The following C10orf90 variants were observed in gnomAD, a reference collection of about 807,000 sequenced individuals.
The protein encoded by C10orf90 is (E2-independent) E3 ubiquitin-conjugating enzyme FATS.
A neutral mutation model predicts 62.5 loss-of-function variants in C10orf90; 56 were observed. The observed-to-expected ratio is 0.90, with a 90% CI of 0.72 to 1.12. The LOEUF is 1.12. C10orf90 is among the 50% of genes most tolerant of loss of function. The probability of loss-of-function intolerance (pLI) is 0.00; values close to 1 mark genes in which losing one functional copy is unlikely to be tolerated. For missense variants in C10orf90, 970 were observed against 880.4 expected (o/e 1.10, Z -1.29); for synonymous variants, 386 against 340.4 (o/e 1.13, Z -1.47).
chr10:126,641,547 T>C (rs1344921336), intron 2 of C10orf90, among the ~76,000 whole-genome samples: 1 of 152,010 alleles, frequency 6.6e-6, no homozygotes, highest in East Asian at 1.9e-4. Context: ...ATCATTTCCC[T>C]CTCTATTTAC....
chr10:126,469,289 T>C (rs1411293219), intron 4 of C10orf90, among the ~76,000 whole-genome samples: 2 of 152,216 alleles, frequency 1.3e-5, no homozygotes, highest in Non-Finnish European at 2.9e-5. Flanking sequence ...AGATGAAACT[T>C]AGCTCTTTAG....
rs1862609612 is a variant in C10orf90 at position 126,504,668 on chromosome 10, GGGGC to G, written c.819_822del (p.Pro274ArgfsTer30). 7.4e-6 allele frequency: 12 copies of G among 1,614,174 alleles called. No homozygotes were observed. The highest frequency in any genetic ancestry group is 1.0e-5 in the Non-Finnish European group (12 of 1,180,018). On this transcript the variant is annotated frameshift_variant, in exon 4 of 10. Transcript: ENST00000488181. LOFTEE classifies it high-confidence loss of function. This position sits in a 1 kb window ranked among gnomAD's most constrained non-coding sequence, Gnocchi z 4.1. ...GGATGGGCGCCATTGGCCAGAGCCG[GGGGC>G]GCCTGGAACAGTGTGTCCTCAGCCC...
intron 2 of C10orf90, among the ~76,000 whole-genome samples, chr10:126,604,156 C>A (rs1391430294): frequency 1.3e-5 from 2 of 152,198 alleles, no homozygotes; most frequent in East Asian, 3.8e-4. Context: ...TGGGCTCCAT[C>A]CAGAAACACA....
intron 4 of C10orf90, among the ~76,000 whole-genome samples, chr10:126,498,517 T>C (rs1272664345): frequency 6.6e-6 from 1 of 152,164 alleles, no homozygotes; most frequent in African/African-American, 2.4e-5. Context: ...CTTGACTTGT[T>C]TCAGAGCATT....
At chr10:126,457,101 AC>A (rs1378149844) in intron 7 of C10orf90, among the ~76,000 whole-genome samples, 1 of 152,078 alleles carries the variant, frequency 6.6e-6, no homozygotes, top group Non-Finnish European at 1.5e-5. Context: ...TGATCCTTGC[AC>A]CTCAGCCTCC....
At chr10:126,622,579 T>C (rs951968347) in intron 2 of C10orf90, among the ~76,000 whole-genome samples, 2 of 152,222 alleles carry the variant, frequency 1.3e-5, no homozygotes, top group African/African-American at 2.4e-5. Context: ...TCCCTGCCAC[T>C]ACAAAGAAGT....
At chr10:126,432,439 T>A (rs192576224) in intron 7 of C10orf90, among the ~76,000 whole-genome samples, 8 of 152,336 alleles carry the variant, frequency 5.3e-5, no homozygotes, top group African/African-American at 1.9e-4. Flanking sequence ...CGTCCCTTCA[T>A]GAGATTTCAT....
chr10:126,620,677 G>A (rs1845627324), intron 2 of C10orf90, among the ~76,000 whole-genome samples: 1 of 151,578 alleles, frequency 6.6e-6, no homozygotes, highest in Admixed American at 6.6e-5. Context: ...ACCCTCCTTG[G>A]AGGGTGGGAG....
chr10:126,563,119 C>T (rs1012774423), intron 2 of C10orf90, among the ~76,000 whole-genome samples: 1 of 152,214 alleles, frequency 6.6e-6, no homozygotes, highest in African/African-American at 2.4e-5. Context: ...GGCAAAATTC[C>T]CCACCCGCAC....
At chr10:126,556,386 G>A (rs7917910) in intron 2 of C10orf90, among the ~76,000 whole-genome samples, 38,817 of 152,072 alleles carry the variant, frequency 0.26, 5,377 homozygotes, top group East Asian at 0.37. Flanking sequence ...GTTTCTCCCT[G>A]TGCTTATCAA....
At chr10:126,558,566 G>C (rs1267358379) in intron 2 of C10orf90, among the ~76,000 whole-genome samples, 1 of 152,138 alleles carries the variant, frequency 6.6e-6, no homozygotes. Context: ...TGTTAGCCAC[G>C]GGTCCTTCAA....
At chr10:126,528,460 T>C (rs1048243733) in intron 2 of C10orf90, among the ~76,000 whole-genome samples, 16 of 152,078 alleles carry the variant, frequency 1.1e-4, no homozygotes, top group Admixed American at 3.9e-4. Flanking sequence ...ATGAGACTGA[T>C]TTACAGGAAA....
At chr10:126,508,664 G>A (rs1358731474) in intron 3 of C10orf90, among the ~76,000 whole-genome samples, 2 of 152,212 alleles carry the variant, frequency 1.3e-5, no homozygotes, top group Non-Finnish European at 2.9e-5. Flanking sequence ...TAGGACTCAG[G>A]CCACCTGGGT....
chr10:126,606,759 G>A (rs1275549786), intron 2 of C10orf90, among the ~76,000 whole-genome samples: 1 of 152,134 alleles, frequency 6.6e-6, no homozygotes, highest in African/African-American at 2.4e-5. Flanking sequence ...TTTCCATAAC[G>A]TAGCTGCTTT....
intron 2 of C10orf90, among the ~76,000 whole-genome samples, chr10:126,517,152 G>C (rs1376644949): frequency 6.6e-6 from 1 of 152,178 alleles, no homozygotes; most frequent in Non-Finnish European, 1.5e-5. Context: ...TTGGGGAGAT[G>C]GAGGTAGATG....
chr10:126,553,526 G>A (rs1170351595), intron 2 of C10orf90, among the ~76,000 whole-genome samples: 1 of 152,032 alleles, frequency 6.6e-6, no homozygotes, highest in East Asian at 1.9e-4. Context: ...ATTACCTAGT[G>A]ATGTCATAGA....
chr10:126,528,355 TA>T (rs984252678), intron 2 of C10orf90, among the ~76,000 whole-genome samples: 3 of 151,802 alleles, frequency 2.0e-5, no homozygotes, highest in South Asian at 2.1e-4. Context: ...TATTTAAGTA[TA>T]AAAAAAAGGA....
chr10:126,581,750 C>G (rs1487762751), intron 2 of C10orf90, among the ~76,000 whole-genome samples: 1 of 152,158 alleles, frequency 6.6e-6, no homozygotes, highest in Non-Finnish European at 1.5e-5. Flanking sequence ...GTTGTGATTC[C>G]TACACTCTAA....
At chr10:126,560,866 G>A (rs569837167) in intron 2 of C10orf90, among the ~76,000 whole-genome samples, 1 of 152,276 alleles carries the variant, frequency 6.6e-6, no homozygotes, top group South Asian at 2.1e-4. Context: ...TATAATTTTT[G>A]CATGGCATAA....
Sources: gnomAD v4.1 joint callset for allele counts (sites outside exome capture counted in the v4.1 genomes callset) on GRCh38, gnomAD v4.1.1 for gene constraint, Gnocchi (gnomAD v3.1) non-coding constraint, MANE v1.5 for transcripts, NCBI Gene and HGNC (gene_info 2026-07-23, HGNC 2026-07-21) for gene names.